Variants in RPH3AL observed in about 807,000 individuals in gnomAD.
RPH3AL encodes rab effector Noc2.
RPH3AL carries 38 observed loss-of-function variants against 43.1 expected under a neutral mutation model. The ratio of observed to expected loss-of-function variants is 0.88; its 90% CI spans 0.68 to 1.15. The LOEUF (loss-of-function observed/expected upper bound fraction) is 1.15. RPH3AL is among the 50% of genes most tolerant of loss of function. The pLI is 0.00. For missense variants in RPH3AL, 462 were observed against 423.2 expected, an observed-to-expected ratio of 1.09 and a Z score of -0.81; for synonymous variants, 189 against 176.3, an observed-to-expected ratio of 1.07 and a Z score of -0.57.
intron 5 of RPH3AL, chr17:306,510 G>A (rs1256998183): frequency 6.6e-6 from 1 of 152,208 alleles, no homozygotes; most frequent in Non-Finnish European, 1.5e-5. Context: ...CCCCTAGAGT[G>A]AGCTCTCCAC....
At position 264,344 on chromosome 17, in the gene RPH3AL, G is replaced by A. The variant is rs112967772; in HGVS notation, c.439-17059C>T. Among the ~76,000 whole-genome samples the A allele has an allele frequency of 7.0e-3, 466 of 66,438 alleles. 9 individuals are homozygous for A. Among genetic ancestry groups the A allele is most frequent in the Non-Finnish European group, 8.3e-3 (249 of 29,966 alleles). The allele number at this position is 66,438 out of a possible 152,430, so 43.6% of individuals were successfully genotyped here. Reference sequence around the variant, plus strand: ...GCAGGATTACCCTTCGGAGCCGTGCGCGCTGGATGGGGACTCAGAATCCGC... The same window carrying A: ...GCAGGATTACCCTTCGGAGCCGTGCACGCTGGATGGGGACTCAGAATCCGC... On this transcript the variant is annotated intron_variant, in intron 6 of 9. Transcript: ENST00000331302. This position sits in a 1 kb window ranked among gnomAD's most constrained non-coding sequence, Gnocchi z 4.8.
intron 6 of RPH3AL, chr17:262,096 A>G (rs1220167804): frequency 6.6e-6 from 1 of 152,240 alleles, no homozygotes; most frequent in Non-Finnish European, 1.5e-5. Context: ...AGGGATGAAG[A>G]AATTCAGAGT....
chr17:313,762 A>G (rs2043718470), intron 5 of RPH3AL, among the ~76,000 whole-genome samples: 1 of 152,152 alleles, frequency 6.6e-6, no homozygotes, highest in Non-Finnish European at 1.5e-5. Context: ...CTTGCACACA[A>G]TGGGCTATTA....
At chr17:266,678 G>A (rs1441167063) in intron 6 of RPH3AL, among the ~76,000 whole-genome samples, 5 of 152,238 alleles carry the variant, frequency 3.3e-5, no homozygotes, top group East Asian at 1.9e-4. Context: ...TGGGAGGCAG[G>A]CAACTGCCAG....
chr17:325,520 T>A (rs1415134666), intron 3 of RPH3AL, among the ~76,000 whole-genome samples: 1 of 152,068 alleles, frequency 6.6e-6, no homozygotes, highest in African/African-American at 2.4e-5. Flanking sequence ...CTGGAAGCGC[T>A]TCCCCCCTAC....
intron 1 of RPH3AL, among the ~76,000 whole-genome samples, chr17:348,502 T>C (rs1051246644): frequency 6.6e-6 from 1 of 151,164 alleles, no homozygotes; most frequent in African/African-American, 2.4e-5. Flanking sequence ...GTACTTTTTG[T>C]TCAATTTTTT....
intron 7 of RPH3AL, among the ~76,000 whole-genome samples, chr17:233,301 C>T (rs761869809): frequency 2.6e-5 from 4 of 152,244 alleles, no homozygotes; most frequent in Non-Finnish European, 2.9e-5. Context: ...CTGTAAGACA[C>T]GACCGCTGGG....
intron 7 of RPH3AL, among the ~76,000 whole-genome samples, chr17:243,701 ACCTTCCTCTATTGATTAC>A (rs1555538264): frequency 1.6e-5 from 2 of 127,088 alleles, no homozygotes; most frequent in African/African-American, 3.5e-5. Context: ...TCTATTGACT[ACCTTCCTCTATTGATTAC>A]CCTTCCTCTA....
intron 6 of RPH3AL, among the ~76,000 whole-genome samples, chr17:252,416 C>T (rs1275819029): frequency 1.3e-5 from 2 of 152,190 alleles, no homozygotes; most frequent in Non-Finnish European, 2.9e-5. Flanking sequence ...TTTTCTTACA[C>T]CATTGCCTGG....
At chr17:303,549 G>A (rs929135721) in intron 5 of RPH3AL, among the ~76,000 whole-genome samples, 14 of 122,480 alleles carry the variant, frequency 1.1e-4, no homozygotes, top group Non-Finnish European at 1.9e-4. Flanking sequence ...AGATGGGGAG[G>A]GAGGGAGGCT....
intron 6 of RPH3AL, among the ~76,000 whole-genome samples, chr17:251,977 T>C (rs1370715362): frequency 9.4e-4 from 2 of 2,118 alleles, no homozygotes; most frequent in African/African-American, 7.4e-3. Context: ...TTTTTTTTAC[T>C]TTTTTTTTTT....
intron 7 of RPH3AL, among the ~76,000 whole-genome samples, chr17:226,725 CTT>C (rs998939479): frequency 3.3e-5 from 5 of 152,224 alleles, no homozygotes; most frequent in Non-Finnish European, 5.9e-5. Flanking sequence ...AAAACTCAAA[CTT>C]CGGCTAATTT....
Position 272,996 on chromosome 17 carries a change from GAGACCCCAGCGAGGGCGAC to G in RPH3AL, c.438+8753_438+8771del, listed in dbSNP as rs2042531958. On this transcript the variant is annotated intron_variant, in intron 6 of 9. Transcript: ENST00000331302. ...ACCCCAGCAAGGGCTACGTCAGGGTGAGACCCCAGCGAGGGCGACATCAGGAAGAGACCCCAGCGAGGGC... is the reference window on the plus strand; with the variant it reads ...ACCCCAGCAAGGGCTACGTCAGGGTGATCAGGAAGAGACCCCAGCGAGGGC... 2.5e-5 allele frequency among the ~76,000 whole-genome samples: 3 copies of G among 119,576 alleles called. No individual in the cohort carries two copies. The East Asian group carries it at 7.0e-4, about 28-fold the overall frequency. 78.4% of individuals were successfully genotyped at this position (119,576 alleles called of 152,430 possible). A position where few individuals can be genotyped will look rare whatever the true frequency, so the allele number is the denominator to read the frequency against.
intron 6 of RPH3AL, among the ~76,000 whole-genome samples, chr17:281,081 G>C (rs886245346): frequency 6.6e-6 from 1 of 152,136 alleles, no homozygotes. Flanking sequence ...CCTGGCACAG[G>C]GAGGTTCTGA....
At chr17:285,451 T>C (rs1026892566) in intron 5 of RPH3AL, among the ~76,000 whole-genome samples, 3 of 152,158 alleles carry the variant, frequency 2.0e-5, no homozygotes, top group African/African-American at 4.8e-5. Context: ...CAGCACGTAA[T>C]AGCGACTCGA....
chr17:284,816 G>A (rs1168712245), intron 5 of RPH3AL, among the ~76,000 whole-genome samples: 1 of 152,240 alleles, frequency 6.6e-6, no homozygotes, highest in Non-Finnish European at 1.5e-5. Flanking sequence ...GTTTATCACA[G>A]CTGCAGAGGC....
At chr17:269,906 G>T (rs543372038) in intron 6 of RPH3AL, among the ~76,000 whole-genome samples, 1 of 152,260 alleles carries the variant, frequency 6.6e-6, no homozygotes, top group East Asian at 1.9e-4. Flanking sequence ...AGATGGGATG[G>T]CTCAGTCCAT....
chr17:268,416 T>C (rs1223805819), intron 6 of RPH3AL, among the ~76,000 whole-genome samples: 2 of 152,210 alleles, frequency 1.3e-5, no homozygotes, highest in Non-Finnish European at 2.9e-5. Context: ...TGTAAGAATA[T>C]AGTATATAAT....
chr17:243,055 AC>A (rs1291964438), intron 7 of RPH3AL, among the ~76,000 whole-genome samples: 18 of 109,792 alleles, frequency 1.6e-4, no homozygotes, highest in African/African-American at 2.6e-4. Context: ...TCTATTGATT[AC>A]CCTTCCTCTA....
Sources: allele counts gnomAD v4.1 joint callset (sites outside exome capture counted in the v4.1 genomes callset), GRCh38; gene constraint gnomAD v4.1.1; non-coding constraint Gnocchi (gnomAD v3.1); transcripts MANE v1.5; gene names NCBI Gene and HGNC (gene_info 2026-07-23, HGNC 2026-07-21).